KIF7: variants seen among roughly 807,000 people sequenced by gnomAD.
KIF7 encodes the protein kinesin family member 7.
Under a neutral mutation model 135.7 loss-of-function variants are expected in KIF7, and 104 were observed. The ratio of observed to expected loss-of-function variants is 0.77; its 90% CI spans 0.65 to 0.90. The LOEUF (loss-of-function observed/expected upper bound fraction) is 0.90. Ranked by LOEUF, KIF7 falls within the 40% of genes least tolerant of loss-of-function variation. The pLI is 0.00. For missense variants in KIF7, 2,005 were observed against 1,839.1 expected, an observed-to-expected ratio of 1.09 and a Z score of -1.65; for synonymous variants, 883 against 809.4, an observed-to-expected ratio of 1.09 and a Z score of -1.54.
downstream of KIF7, chr15:89,624,900 T>TGGGAGACAG (rs1567053566): frequency 6.2e-7 from 1 of 1,614,098 alleles, no homozygotes; most frequent in Non-Finnish European, 8.5e-7. Context: ...GTACCACAGA[T>TGGGAGACAG]GGGAGACAGT....
In KIF7 at chr15:89,646,985, A is replaced by G; in HGVS notation, c.1633T>C (p.Trp545Arg). 1.2e-6 allele frequency: 2 copies of G among 1,613,106 alleles called. No individual in the cohort carries two copies. The highest frequency in any genetic ancestry group is 1.7e-6 in the Non-Finnish European group (2 of 1,179,694). Residue 545 changes from tryptophan (W) to arginine (R), a missense_variant, in exon 7 of 19, where the codon TGG becomes CGG. By Grantham distance (101) the Trp-to-Arg change is moderately radical (BLOSUM62 -3). Coordinates refer to ENST00000394412, the MANE Select transcript of KIF7 (RefSeq NM_198525.3). ...CCATTCAGGAGCCGCGGGCCCCCCC[A>G]GCCTGGCCGCACCAGCTCTAACCGC... ...RLRLELVRPGWGGPRLLNGLP... is the reference protein window; with the variant it reads ...RLRLELVRPGRGGPRLLNGLP...
intron 11 of KIF7, among the ~76,000 whole-genome samples, chr15:89,635,290 G>A (rs534018096): frequency 5.3e-4 from 80 of 152,366 alleles, no homozygotes; most frequent in African/African-American, 1.6e-3. Context: ...TTAAAGGAAC[G>A]CAGTTCCTCA....
Position 89,633,689 on chromosome 15 carries a change from G to T in KIF7, c.2589C>A (p.Val863=), listed in dbSNP as rs376175217. 3 of 1,606,680 alleles carry T rather than the reference G, an allele frequency of 1.9e-6. No homozygotes were observed. Among genetic ancestry groups the T allele is most frequent in the African/African-American group, 2.7e-5 (2 of 74,880 alleles). ...EAEMSKRQHR[V]KELELKHEQQ... Reference sequence around the variant, plus strand: ...CCCACCCTGCCGTGAGCCTGACCTTGACGCGGTGCTGCCGCTTGCTCATTT... The same window carrying T: ...CCCACCCTGCCGTGAGCCTGACCTTTACGCGGTGCTGCCGCTTGCTCATTT... The change falls in exon 12 of 19, where the codon GTC becomes GTA. Residue 863 remains valine, a synonymous_variant. Coordinates refer to ENST00000394412, the MANE Select transcript of KIF7 (RefSeq NM_198525.3).
At chr15:89,627,068 C>T (rs1410804226), downstream of KIF7, 2 of 1,614,108 alleles carry the variant, frequency 1.2e-6, no homozygotes, top group Non-Finnish European at 1.7e-6. Flanking sequence ...TCATGGGAAC[C>T]TGGCTGGAGG....
intron 5 of KIF7, 27 bp from the exon 6 acceptor site, chr15:89,647,739 G>C: frequency 6.6e-7 from 1 of 1,516,322 alleles, no homozygotes. Flanking sequence ...GGGGCTTCAG[G>C]GGCGGGGGTT....
At chr15:89,629,187 GGGGGTGGGGGCTGTGGGCTGGGT>G (rs1186291113) in intron 17 of KIF7, 65 bp from the exon 18 acceptor site, 17 of 1,233,874 alleles carry the variant, frequency 1.4e-5, no homozygotes, top group African/African-American at 1.3e-4. Flanking sequence ...CCAGGGCTGT[GGGGGTGGGGGCTGTGGGCTGGGT>G]GGGGGCCGGG....
chr15:89,632,437 G>A (rs1199985901), intron 14 of KIF7, among the ~76,000 whole-genome samples: 1 of 152,204 alleles, frequency 6.6e-6, no homozygotes, highest in Non-Finnish European at 1.5e-5. Context: ...TCCTGCACAG[G>A]CCCTGAGGAG....
intron 2 of KIF7, among the ~76,000 whole-genome samples, chr15:89,617,622 A>C (rs548664298): frequency 4.3e-4 from 66 of 152,000 alleles, no homozygotes; most frequent in African/African-American, 1.5e-3. Context: ...TCCCAGGTTC[A>C]AGTGATTCTC....
downstream of KIF7, chr15:89,623,800 G>A (rs751912896): frequency 2.7e-5 from 43 of 1,613,626 alleles, no homozygotes; most frequent in South Asian, 2.6e-4. Flanking sequence ...CTCCTCACCC[G>A]GCCATGACTC....
intron 18 of KIF7, 52 bp downstream of exon 18, chr15:89,628,924 T>A: frequency 6.2e-7 from 1 of 1,613,506 alleles, no homozygotes; most frequent in Non-Finnish European, 8.5e-7. Flanking sequence ...GTCTCTAAGC[T>A]TTCCCCAAAG....
At chr15:89,636,266 T>G (rs1039866753) in intron 11 of KIF7, among the ~76,000 whole-genome samples, 2 of 150,686 alleles carry the variant, frequency 1.3e-5, no homozygotes, top group Non-Finnish European at 3.0e-5. Flanking sequence ...AGAAACTGCA[T>G]GAACTAACGA....
chr15:89,632,936 G>C lies in KIF7; in HGVS notation c.2779C>G (p.Arg927Gly), dbSNP rs766347192. 14 of 1,587,400 alleles carry C rather than the reference G, an allele frequency of 8.8e-6. No individual in the cohort carries two copies. The African/African-American group carries it at 1.1e-4, about 13-fold the overall frequency. ...QEMEKVLQQRRALEELGEELH... is the reference protein window; with the variant it reads ...QEMEKVLQQRGALEELGEELH... The stretch of plus-strand genomic sequence containing the variant: ...TCCTCCCCCAGCTCCTCCAGCGCCC[G>C]CCGCTGCTGTAGCACCTTCTCCATC... Residue 927 changes from arginine (R) to glycine (G), a missense_variant, in exon 14 of 19, where the codon CGG becomes GGG. Arg to Gly is a moderately radical substitution (Grantham distance 125, BLOSUM62 -2). Coordinates refer to ENST00000394412, the MANE Select transcript of KIF7 (RefSeq NM_198525.3).
rs1284802030 is a variant in KIF7 at position 89,632,019 on chromosome 15, C to T, written c.2896-309G>A. Among the ~76,000 whole-genome samples the T allele has an allele frequency of 4.6e-5, 7 of 152,184 alleles. No individual in the cohort carries two copies. The East Asian group carries it at 1.2e-3, about 25-fold the overall frequency. Reference sequence around the variant, plus strand: ...AGGAATGATCTGTCACTGAGATGACCGGACTGGACAGTGATAGGAATTGGC... The same window carrying T: ...AGGAATGATCTGTCACTGAGATGACTGGACTGGACAGTGATAGGAATTGGC... On this transcript the variant is annotated intron_variant, in intron 14 of 18. Coordinates refer to ENST00000394412, the MANE Select transcript of KIF7 (RefSeq NM_198525.3).
At chr15:89,625,634 G>C (rs1288978126), downstream of KIF7, 10 of 1,613,388 alleles carry the variant, frequency 6.2e-6, no homozygotes, top group Non-Finnish European at 8.5e-6. Flanking sequence ...TCCAGGAAGA[G>C]AGTCCTGTTG....
rs183149392 is a variant in KIF7 at position 89,633,121 on chromosome 15, C to T, written c.2718+20G>A. Reference sequence around the variant, plus strand: ...CCAGCCCCCAGGGGAGCCCTGGGTGCGGACACAGCCTGGCCCCACCTGCTG... The same window carrying T: ...CCAGCCCCCAGGGGAGCCCTGGGTGTGGACACAGCCTGGCCCCACCTGCTG... On this transcript the variant is annotated intron_variant, in intron 13 of 18. Transcript: ENST00000394412. 2.0e-4 allele frequency: 327 copies of T among 1,601,514 alleles called. No individual in the cohort carries two copies. In the African/African-American group the frequency reaches 3.4e-3, roughly 17 times the overall value.
intron 15 of KIF7, chr15:89,631,154 G>T: frequency 3.2e-6 from 1 of 317,276 alleles, no homozygotes; most frequent in East Asian, 6.1e-5. Flanking sequence ...ACAGATGTGT[G>T]GGCATGAGGT....
downstream of KIF7, chr15:89,626,162 C>T: frequency 7.0e-7 from 1 of 1,432,150 alleles, no homozygotes; most frequent in Non-Finnish European, 9.5e-7. Context: ...CAGGGAGTGC[C>T]AAGTGTGGGA....
intron 15 of KIF7, 41 bp from the exon 16 acceptor site, chr15:89,630,534 C>A (rs1388942835): frequency 1.4e-6 from 2 of 1,477,600 alleles, no homozygotes; most frequent in South Asian, 1.2e-5. Flanking sequence ...CACCCACTGC[C>A]TGAATGCTGA....
At chr15:89,619,812 A>G (rs562819370) in intron 1 of KIF7, 1 of 1,613,680 alleles carries the variant, frequency 6.2e-7, no homozygotes, top group South Asian at 1.1e-5. Context: ...AAGTGTGCAA[A>G]GAGTCCACTC....
Sources: gnomAD v4.1 joint callset for allele counts (sites outside exome capture counted in the v4.1 genomes callset) on GRCh38, gnomAD v4.1.1 for gene constraint, MANE v1.5 for transcripts, NCBI Gene and HGNC (gene_info 2026-07-23, HGNC 2026-07-21) for gene names.